PCDHA4: variants seen among roughly 807,000 people sequenced by gnomAD.
PCDHA4 encodes protocadherin alpha-4.
In PCDHA4, 49 loss-of-function variants were observed where a neutral mutation model predicts 61.4. The observed-to-expected ratio is 0.80, with a 90% CI of 0.63 to 1.01. PCDHA4 has a LOEUF of 1.01. PCDHA4 is among the 50% of genes least tolerant of loss of function. The probability of loss-of-function intolerance (pLI) is 0.00; values close to 1 mark genes in which losing one functional copy is unlikely to be tolerated. For missense variants in PCDHA4, 1,254 were observed against 1,235.8 expected, an observed-to-expected ratio of 1.01 and a Z score of -0.22; for synonymous variants, 590 against 550.3, an observed-to-expected ratio of 1.07 and a Z score of -1.01.
chr5:140,818,375 T>A (rs1766344454), intron 1 of PCDHA4, among the ~76,000 whole-genome samples: 1 of 152,254 alleles, frequency 6.6e-6, no homozygotes, highest in Non-Finnish European at 1.5e-5. Flanking sequence ...TTAACTTGAA[T>A]CGTGGCATTT....
At chr5:140,827,441 C>T (rs1769294001) in intron 1 of PCDHA4, among the ~76,000 whole-genome samples, 2 of 152,198 alleles carry the variant, frequency 1.3e-5, no homozygotes, top group Non-Finnish European at 2.9e-5. Context: ...CATCATTACA[C>T]AGAAGAACCT....
At chr5:140,935,721 A>G (rs2090523952) in intron 1 of PCDHA4, among the ~76,000 whole-genome samples, 1 of 152,196 alleles carries the variant, frequency 6.6e-6, no homozygotes, top group African/African-American at 2.4e-5. Context: ...ATATATTTAG[A>G]GAAGTCTAGT....
At chr5:140,836,230 C>G (rs1774305055) in intron 1 of PCDHA4, 1 of 1,613,786 alleles carries the variant, frequency 6.2e-7, no homozygotes, top group Admixed American at 1.7e-5. Context: ...CCGGTGGCGG[C>G]CGGTGCGAGC....
chr5:141,009,501 C>T (rs2098410009), intron 3 of PCDHA4, 126 bp from the exon 4 acceptor site: 4 of 1,492,480 alleles, frequency 2.7e-6, no homozygotes, highest in Non-Finnish European at 3.6e-6. Context: ...CAGACTTGAA[C>T]AAACAACTCG....
At chr5:141,007,977 T>A (rs564286183) in intron 3 of PCDHA4, among the ~76,000 whole-genome samples, 20 of 152,362 alleles carry the variant, frequency 1.3e-4, no homozygotes, top group African/African-American at 4.8e-4. Flanking sequence ...GTCTGTCATG[T>A]ATATATGAAA....
chr5:140,851,923 T>G, intron 1 of PCDHA4: 1 of 967,860 alleles, frequency 1.0e-6, no homozygotes, highest in Non-Finnish European at 1.2e-6. Flanking sequence ...CATGTTATGT[T>G]TCCTGAATTG....
At chr5:140,909,523 C>G (rs1265179214) in intron 1 of PCDHA4, among the ~76,000 whole-genome samples, 1 of 152,172 alleles carries the variant, frequency 6.6e-6, no homozygotes, top group Non-Finnish European at 1.5e-5. Context: ...AACCCCTGCA[C>G]ATTTTGAGTC....
intron 1 of PCDHA4, among the ~76,000 whole-genome samples, chr5:140,915,921 T>C (rs2077370703): frequency 6.6e-6 from 1 of 152,286 alleles, no homozygotes; most frequent in African/African-American, 2.4e-5. Context: ...GAGATGCTAC[T>C]TGGGAGTCAG....
Position 140,809,789 on chromosome 5 carries a change from A to G in PCDHA4, c.2385+217A>G, listed in dbSNP as rs1764544475. 8.5e-6 allele frequency: 4 copies of G among 470,038 alleles called. No individual in the cohort carries two copies. The East Asian group carries it at 1.4e-4, about 17-fold the overall frequency. 29.1% of individuals were successfully genotyped at this position (470,038 alleles called of 1,614,324 possible). On this transcript the variant is annotated intron_variant, in intron 1 of 3. Coordinates refer to ENST00000530339, the MANE Select transcript of PCDHA4 (RefSeq NM_018907.4). The stretch of plus-strand genomic sequence containing the variant: ...GCATTATTCAATGCATATTAACAGA[A>G]CTGTAATTTCTAGTAAATTTTCACT...
At chr5:140,828,531 T>G in intron 1 of PCDHA4, 3 of 1,614,256 alleles carry the variant, frequency 1.9e-6, no homozygotes, top group Non-Finnish European at 2.5e-6. Flanking sequence ...GAATCTAGGC[T>G]GCCAGATTCT....
chr5:140,839,690 G>A (rs1776366219), intron 1 of PCDHA4, among the ~76,000 whole-genome samples: 1 of 151,916 alleles, frequency 6.6e-6, no homozygotes, highest in African/African-American at 2.4e-5. Flanking sequence ...AGATTTTTTT[G>A]GGTAAATAAT....
chr5:141,002,218 A>T (rs782352324), intron 3 of PCDHA4, among the ~76,000 whole-genome samples: 124 of 152,272 alleles, frequency 8.1e-4, no homozygotes, highest in Admixed American at 3.6e-3. Context: ...AATCAAAATG[A>T]TGGGTTTTCT....
intron 1 of PCDHA4, among the ~76,000 whole-genome samples, chr5:140,962,792 T>C (rs1554226245): frequency 6.6e-6 from 1 of 152,234 alleles, no homozygotes; most frequent in African/African-American, 2.4e-5. Context: ...AAAAACTACT[T>C]TGGACAACTC....
At chr5:140,864,648 G>A (rs2048555529) in intron 1 of PCDHA4, 1 of 152,150 alleles carries the variant, frequency 6.6e-6, no homozygotes, top group Non-Finnish European at 1.5e-5. Context: ...AACAATGTCA[G>A]CTCTACTTAA....
intron 1 of PCDHA4, among the ~76,000 whole-genome samples, chr5:140,911,947 G>A (rs559007219): frequency 1.4e-4 from 22 of 152,262 alleles, no homozygotes; most frequent in Non-Finnish European, 2.5e-4. Context: ...TATATATAAA[G>A]GGGAGGTTAC....
intron 1 of PCDHA4, chr5:140,848,328 G>C (rs1554142059): frequency 1.2e-6 from 1 of 817,064 alleles, no homozygotes; most frequent in African/African-American, 1.7e-5. Context: ...TGTTCTCTCT[G>C]AATCCAGACA....
intron 3 of PCDHA4, among the ~76,000 whole-genome samples, chr5:141,002,222 G>A (rs1278350490): frequency 2.0e-5 from 3 of 152,212 alleles, no homozygotes; most frequent in Non-Finnish European, 4.4e-5. Context: ...AAAATGATGG[G>A]TTTTCTGGAA....
At chr5:140,978,499 T>A (rs1178288273) in intron 1 of PCDHA4, among the ~76,000 whole-genome samples, 1 of 152,238 alleles carries the variant, frequency 6.6e-6, no homozygotes, top group African/African-American at 2.4e-5. Flanking sequence ...AGCAGCAGAT[T>A]GCAGTCCTCT....
chr5:140,898,843 C>G (rs1449030828), intron 1 of PCDHA4, among the ~76,000 whole-genome samples: 17 of 152,100 alleles, frequency 1.1e-4, no homozygotes, highest in Non-Finnish European at 1.3e-4. Context: ...TCTTCCATTT[C>G]TTTGTATCCT....
Sources: allele counts gnomAD v4.1 joint callset (sites outside exome capture counted in the v4.1 genomes callset), GRCh38; gene constraint gnomAD v4.1.1; transcripts MANE v1.5; gene names NCBI Gene and HGNC (gene_info 2026-07-23, HGNC 2026-07-21).